SHISA5: variants seen among roughly 807,000 people sequenced by gnomAD.
SHISA5 encodes the protein protein shisa-5.
Under a neutral mutation model 27.5 loss-of-function variants are expected in SHISA5, and 21 were observed. The ratio of observed to expected loss-of-function variants is 0.76; its 90% CI spans 0.54 to 1.10. The LOEUF (loss-of-function observed/expected upper bound fraction) is 1.10. SHISA5 is among the 50% of genes least tolerant of loss of function. The pLI, the probability that SHISA5 is intolerant of heterozygous loss-of-function variation, is 0.00. For missense variants in SHISA5, 314 were observed against 336.3 expected (o/e 0.93, Z 0.52); for synonymous variants, 137 against 142.2 (o/e 0.96, Z 0.26).
rs1327089019 is a variant in SHISA5 at position 48,503,752 on chromosome 3, A to C, written c.76+267T>G. The C allele has an allele frequency of 1.2e-5, 15 of 1,222,998 alleles. No homozygotes were observed. The East Asian group carries it at 4.7e-4, about 39-fold the overall frequency. The allele number at this position is 1,222,998 out of a possible 1,614,324, so 75.8% of individuals were successfully genotyped here. On this transcript the variant is annotated intron_variant, in intron 1 of 5. Transcript: ENST00000296444. ...CTCTGGGGACTCCATCCCCTGGAAC[A>C]TGGGCGGGAGGGCAGACCCCTCCCC...
intron 2 of SHISA5, among the ~76,000 whole-genome samples, chr3:48,491,394 A>T (rs2041422078): frequency 6.6e-6 from 1 of 152,054 alleles, no homozygotes; most frequent in African/African-American, 2.4e-5. Flanking sequence ...CTGGGATTAC[A>T]GGTGTGAGGC....
At chr3:48,494,325 G>T in intron 2 of SHISA5, among the ~76,000 whole-genome samples, 1 of 138,156 alleles carries the variant, frequency 7.2e-6, no homozygotes. Flanking sequence ...TTGAGATGGA[G>T]TTTCACTCTG....
At position 48,468,504 on chromosome 3, in the gene SHISA5, C is replaced by G. The variant is rs1255705747; in HGVS notation, c.*603G>C. On this transcript the variant is annotated 3_prime_UTR_variant, in exon 6 of 6. Coordinates refer to ENST00000296444, the MANE Select transcript of SHISA5 (RefSeq NM_016479.6). Reference sequence around the variant, plus strand: ...TCTGGCATCAGGAGGCTGCCTGATCCCCAACAGGCATGACAGGCTCCAGGG... The same window carrying G: ...TCTGGCATCAGGAGGCTGCCTGATCGCCAACAGGCATGACAGGCTCCAGGG... 5 of 1,182,706 alleles carry G rather than the reference C, an allele frequency of 4.2e-6. No homozygotes were observed. Among genetic ancestry groups the G allele is most frequent in the Admixed American group, 7.5e-5 (2 of 26,612 alleles). The allele number at this position is 1,182,706 out of a possible 1,614,324, so 73.3% of individuals were successfully genotyped here.
chr3:48,503,297 TC>T, intron 1 of SHISA5: 1 of 644,736 alleles, frequency 1.6e-6, no homozygotes, highest in Non-Finnish European at 2.5e-6. Flanking sequence ...ACAGGCTCAC[TC>T]CAGGAGTGGG....
At chr3:48,474,086 TTTA>T in intron 3 of SHISA5, among the ~76,000 whole-genome samples, 1 of 151,576 alleles carries the variant, frequency 6.6e-6, no homozygotes, top group East Asian at 1.9e-4. Flanking sequence ...TAAAGGAAAT[TTTA>T]TTATTATTAT....
Position 48,503,616 on chromosome 3 carries a change from G to A in SHISA5, c.76+403C>T, listed in dbSNP as rs2041817842. On this transcript the variant is annotated intron_variant, in intron 1 of 5. Transcript: ENST00000296444. ...ACAAGGGCCAACGGAGGCAGCGGTGGGGGCTCCCAGACATTAAACAGAGGC... is the reference window on the plus strand; with the variant it reads ...ACAAGGGCCAACGGAGGCAGCGGTGAGGGCTCCCAGACATTAAACAGAGGC... The A allele has an allele frequency of 5.1e-6, 4 of 788,618 alleles. No homozygotes were observed. In the South Asian group the frequency reaches 1.6e-4, roughly 32 times the overall value. The allele number at this position is 788,618 out of a possible 1,614,324, so 48.9% of individuals were successfully genotyped here. A position where few individuals can be genotyped will look rare whatever the true frequency, so the allele number is the denominator to read the frequency against.
At position 48,469,155 on chromosome 3, in the gene SHISA5, C is replaced by A; in HGVS notation, c.675G>T (p.Gln225His). 1.9e-6 allele frequency: 3 copies of A among 1,612,930 alleles called. No individual in the cohort carries two copies. Among genetic ancestry groups the A allele is most frequent in the Non-Finnish European group, 2.5e-6 (3 of 1,180,006 alleles). Residue 225 changes from glutamine to histidine, a missense_variant, in exon 6 of 6, where the codon CAG (glutamine) becomes CAT (histidine). Transcript: ENST00000296444. This position sits in a 1 kb window ranked among gnomAD's most constrained non-coding sequence, Gnocchi z 4.6. ...CCATGTAGGCCGGGTTGTAAGGAGG[C>A]TGGCTGGCGGGGTAGGGCGCGGCTG... is the stretch of plus-strand genomic sequence containing the variant. ...GGAAAPYPAS[Q>H]PPYNPAYMDA...
chr3:48,479,974 G>T (rs1238300611), intron 2 of SHISA5, among the ~76,000 whole-genome samples: 2 of 151,252 alleles, frequency 1.3e-5, no homozygotes, highest in Admixed American at 6.6e-5. Context: ...CGCGATCTCG[G>T]CTCACTGCAA....
intron 2 of SHISA5, among the ~76,000 whole-genome samples, chr3:48,497,812 C>T (rs1201992552): frequency 6.6e-6 from 1 of 151,580 alleles, no homozygotes; most frequent in African/African-American, 2.4e-5. Flanking sequence ...ATGCTTCAGC[C>T]CAGGAGGCTG....
intron 1 of SHISA5, chr3:48,503,222 G>A (rs1311648044): frequency 2.4e-6 from 3 of 1,268,866 alleles, no homozygotes; most frequent in Admixed American, 2.3e-5. Context: ...GGCTGTTTAG[G>A]CTGAGTCCAT....
In SHISA5 at chr3:48,498,801, T is replaced by C. The variant is rs1182471228; in HGVS notation, c.233+2336A>G. On this transcript the variant is annotated intron_variant, in intron 2 of 5. Transcript: ENST00000296444. ...CAGGAAGTAAAAAAAGGATAATGCA[T>C]ACGGGCGCGGTGGCTCACGCCTGTA... Among the ~76,000 whole-genome samples the C allele has an allele frequency of 2.0e-5, 3 of 149,218 alleles. No homozygotes were observed. In the Admixed American group the frequency reaches 2.0e-4, roughly 10 times the overall value.
chr3:48,502,650 T>C, intron 1 of SHISA5: 1 of 335,262 alleles, frequency 3.0e-6, no homozygotes, highest in Non-Finnish European at 6.0e-6. Flanking sequence ...TCAGGCTACA[T>C]TAGCAGAGAC....
At chr3:48,483,107 TA>T (rs1216992263) in intron 2 of SHISA5, among the ~76,000 whole-genome samples, 3 of 151,534 alleles carry the variant, frequency 2.0e-5, no homozygotes, top group Non-Finnish European at 4.4e-5. Context: ...TTTTTTTTTT[TA>T]TTGATCATTC....
At position 48,473,164 on chromosome 3, in the gene SHISA5, C is replaced by A; in HGVS notation, c.315-3321G>T. On this transcript the variant is annotated intron_variant, in intron 3 of 5. Coordinates refer to ENST00000296444, the MANE Select transcript of SHISA5 (RefSeq NM_016479.6). This position sits in a 1 kb window ranked among gnomAD's most constrained non-coding sequence, Gnocchi z 4.3. ...ACGTCAGCCACAGGAAGCACAGACG[C>A]GAAGCCCCGTTCCACCCTCTTAAAG... is the stretch of plus-strand genomic sequence containing the variant. The A allele has an allele frequency of 1.4e-6, 2 of 1,444,704 alleles. No individual in the cohort carries two copies. The highest frequency in any genetic ancestry group is 1.8e-6 in the Non-Finnish European group (2 of 1,101,890). The allele number at this position is 1,444,704 out of a possible 1,614,324, so 89.5% of individuals were successfully genotyped here.
At chr3:48,488,122 G>A (rs1448084555) in intron 2 of SHISA5, among the ~76,000 whole-genome samples, 1 of 151,878 alleles carries the variant, frequency 6.6e-6, no homozygotes, top group African/African-American at 2.4e-5. Context: ...AGATTACACA[G>A]TGAGATTAAA....
chr3:48,476,392 G>A (rs542036446), intron 3 of SHISA5, among the ~76,000 whole-genome samples: 2 of 152,196 alleles, frequency 1.3e-5, no homozygotes, highest in South Asian at 2.1e-4. Context: ...CAGAGGCAAG[G>A]GTCCCAAAAT....
At chr3:48,493,146 C>T (rs1023025133) in intron 2 of SHISA5, among the ~76,000 whole-genome samples, 1 of 146,764 alleles carries the variant, frequency 6.8e-6, no homozygotes, top group Non-Finnish European at 1.5e-5. Flanking sequence ...ATTAAACTTT[C>T]GGCTGGGTGC....
rs779105367 is a variant in SHISA5, at chr3:48,486,935, GAAAGA to G, written c.234-7683_234-7679del. On this transcript the variant is annotated intron_variant, in intron 2 of 5. Transcript: ENST00000296444. ...GACTCCATCTCAAAAAAAAAAAAAA[GAAAGA>G]AAAGAAAAGAAAAACCCACAGGTGG... is the stretch of plus-strand genomic sequence containing the variant. Among the ~76,000 whole-genome samples, 73 of 148,018 alleles carry G rather than the reference GAAAGA, an allele frequency of 4.9e-4. 1 individual carries two copies. Among genetic ancestry groups the G allele is most frequent in the Non-Finnish European group, 7.5e-5 (5 of 66,962 alleles).
At chr3:48,491,177 G>A (rs1051078900) in intron 2 of SHISA5, among the ~76,000 whole-genome samples, 5 of 150,560 alleles carry the variant, frequency 3.3e-5, no homozygotes, top group African/African-American at 1.2e-4. Flanking sequence ...GGAGTGCAGT[G>A]GCGTGATCTC....
Sources: allele counts gnomAD v4.1 joint callset (sites outside exome capture counted in the v4.1 genomes callset), GRCh38; gene constraint gnomAD v4.1.1; non-coding constraint Gnocchi (gnomAD v3.1); transcripts MANE v1.5; gene names NCBI Gene and HGNC (gene_info 2026-07-23, HGNC 2026-07-21).